Variants in SLC9A9 observed in about 807,000 individuals in gnomAD.
SLC9A9 encodes sodium/hydrogen exchanger 9.
In SLC9A9, 62 loss-of-function variants were observed where a neutral mutation model predicts 77.8. The ratio of observed to expected loss-of-function variants is 0.80; its 90% CI spans 0.65 to 0.98. The LOEUF is 0.98. SLC9A9 is among the 50% of genes least tolerant of loss of function. The pLI, the probability that SLC9A9 is intolerant of heterozygous loss-of-function variation, is 0.00. For synonymous variants in SLC9A9, 320 were observed against 283.5 expected (o/e 1.13, Z -1.29); for missense variants, 775 against 774.9 (o/e 1.00, Z 0.00).
intron 12 of SLC9A9, among the ~76,000 whole-genome samples, chr3:143,384,124 G>A (rs13073585): frequency 0.38 from 57,214 of 151,556 alleles, 10,901 homozygotes; most frequent in Non-Finnish European, 0.42. Flanking sequence ...GTCATCTGAG[G>A]AGGAACAAGA....
At chr3:143,303,171 G>C (rs1388939071) in intron 14 of SLC9A9, among the ~76,000 whole-genome samples, 1 of 152,202 alleles carries the variant, frequency 6.6e-6, no homozygotes, top group African/African-American at 2.4e-5. Context: ...AAATTAGAGA[G>C]GCCCACCTGG....
chr3:143,746,395 A>G (rs1194837420), intron 4 of SLC9A9, among the ~76,000 whole-genome samples: 3 of 152,208 alleles, frequency 2.0e-5, no homozygotes, highest in African/African-American at 7.2e-5. Flanking sequence ...CATTTCAATC[A>G]TAACCCTCAC....
intron 2 of SLC9A9, among the ~76,000 whole-genome samples, chr3:143,823,895 T>C (rs1195098501): frequency 2.0e-5 from 3 of 151,734 alleles, no homozygotes; most frequent in East Asian, 3.9e-4. Flanking sequence ...TTTCATTTTA[T>C]CTCATCCTTT....
rs147835374 is a variant in SLC9A9, at chr3:143,280,280, T to G, written c.1605-11300A>C. 5.8e-3 allele frequency among the ~76,000 whole-genome samples: 879 copies of G among 152,240 alleles called. 7 individuals carry two copies. Among genetic ancestry groups the G allele is most frequent in the Middle Eastern group, 0.024 (7 of 294 alleles). ...GGAACAAAATGAATACACACACACT[T>G]CCCACCCCAGCAATGTTGACTGTAA... On this transcript the variant is annotated intron_variant, in intron 14 of 15. Transcript: ENST00000316549.
intron 2 of SLC9A9, among the ~76,000 whole-genome samples, chr3:143,800,201 CT>C (rs964814409): frequency 4.6e-5 from 7 of 152,164 alleles, no homozygotes; most frequent in Admixed American, 2.0e-4. Context: ...CCTCTGCTCC[CT>C]CCTTGGTGAC....
At chr3:143,273,708 A>G (rs560242527) in intron 14 of SLC9A9, among the ~76,000 whole-genome samples, 1 of 152,332 alleles carries the variant, frequency 6.6e-6, no homozygotes, top group South Asian at 2.1e-4. Flanking sequence ...AACTTGCCTC[A>G]TCATGAAAAT....
intron 2 of SLC9A9, among the ~76,000 whole-genome samples, chr3:143,815,912 A>T (rs1190885417): frequency 6.6e-6 from 1 of 152,136 alleles, no homozygotes; most frequent in Non-Finnish European, 1.5e-5. Context: ...CAAAAACCTG[A>T]CCTAATATAA....
At chr3:143,366,047 A>G (rs2032891023) in intron 13 of SLC9A9, among the ~76,000 whole-genome samples, 1 of 152,230 alleles carries the variant, frequency 6.6e-6, no homozygotes, top group Non-Finnish European at 1.5e-5. Context: ...TAAAAAGCTG[A>G]TAAAAAGGAA....
At chr3:143,585,092 G>A (rs2037519727) in intron 6 of SLC9A9, among the ~76,000 whole-genome samples, 1 of 152,166 alleles carries the variant, frequency 6.6e-6, no homozygotes, top group Non-Finnish European at 1.5e-5. Context: ...TTGGCATGAT[G>A]GCACCTCCAT....
In SLC9A9 at chr3:143,266,465, A is replaced by C; in HGVS notation, c.*237T>G. On this transcript the variant is annotated 3_prime_UTR_variant, in exon 16 of 16. Coordinates refer to ENST00000316549, the MANE Select transcript of SLC9A9 (RefSeq NM_173653.4). ...GATACCTCCATCCCCACCCCAGCCA[A>C]TCCAGTAATCAGAATGGCTGCTGTC... The C allele has an allele frequency of 1.7e-6, 1 of 573,352 alleles. No individual in the cohort carries two copies. Among genetic ancestry groups the C allele is most frequent in the Non-Finnish European group, 3.1e-6 (1 of 320,326 alleles). 35.5% of individuals were successfully genotyped at this position (573,352 alleles called of 1,614,324 possible).
At chr3:143,666,809 A>C (rs1433494148) in intron 5 of SLC9A9, among the ~76,000 whole-genome samples, 1 of 152,116 alleles carries the variant, frequency 6.6e-6, no homozygotes, top group African/African-American at 2.4e-5. Context: ...GAAATACAAA[A>C]CACTGCTCAA....
chr3:143,793,907 G>A (rs1305581367), intron 4 of SLC9A9, among the ~76,000 whole-genome samples: 1 of 152,146 alleles, frequency 6.6e-6, no homozygotes, highest in East Asian at 1.9e-4. Flanking sequence ...ACAGTTTAAA[G>A]ACCATTTAAG....
At chr3:143,412,020 G>T (rs376056852) in intron 12 of SLC9A9, among the ~76,000 whole-genome samples, 1 of 152,056 alleles carries the variant, frequency 6.6e-6, no homozygotes, top group Non-Finnish European at 1.5e-5. Context: ...ATTTCAGTCC[G>T]GGAGGGCCAG....
chr3:143,431,945 G>A (rs1317687982), intron 12 of SLC9A9, among the ~76,000 whole-genome samples: 2 of 152,036 alleles, frequency 1.3e-5, no homozygotes, highest in African/African-American at 4.8e-5. Flanking sequence ...CCTCCTCCCA[G>A]TCTTTACTCA....
chr3:143,433,413 T>C (rs1414144908), intron 12 of SLC9A9, among the ~76,000 whole-genome samples: 1 of 152,222 alleles, frequency 6.6e-6, no homozygotes, highest in Non-Finnish European at 1.5e-5. Flanking sequence ...TTGTAACTGA[T>C]AAGCACTTCA....
chr3:143,423,244 C>A (rs1011411329), intron 12 of SLC9A9, among the ~76,000 whole-genome samples: 2 of 125,158 alleles, frequency 1.6e-5, no homozygotes, highest in Non-Finnish European at 3.3e-5. Context: ...TACACACGCG[C>A]GTGTACACAC....
intron 3 of SLC9A9, among the ~76,000 whole-genome samples, chr3:143,795,469 AAC>A (rs2008360155): frequency 9.0e-6 from 1 of 111,288 alleles, no homozygotes; most frequent in Non-Finnish European, 2.1e-5. Flanking sequence ...GCATTAAAAC[AAC>A]AACAACAACA....
At chr3:143,347,075 A>G (rs915267694) in intron 14 of SLC9A9, 10 of 152,170 alleles carry the variant, frequency 6.6e-5, no homozygotes, top group Non-Finnish European at 1.3e-4. Flanking sequence ...TAACAATTCA[A>G]CGATCTTAAC....
chr3:143,384,754 G>A (rs2293327), intron 12 of SLC9A9, among the ~76,000 whole-genome samples: 6 of 152,296 alleles, frequency 3.9e-5, no homozygotes, highest in East Asian at 3.9e-4. Flanking sequence ...CAGGACAAAC[G>A]CCACAAGTGG....
Sources: allele counts gnomAD v4.1 joint callset (sites outside exome capture counted in the v4.1 genomes callset), GRCh38; gene constraint gnomAD v4.1.1; transcripts MANE v1.5; gene names NCBI Gene and HGNC (gene_info 2026-07-23, HGNC 2026-07-21).